MCF2: variants seen among roughly 807,000 people sequenced by gnomAD.
MCF2 encodes proto-oncogene DBL.
In MCF2, 44 loss-of-function variants were observed where a neutral mutation model predicts 82.5. That is an observed-to-expected ratio of 0.53 (90% CI 0.42 to 0.69). The LOEUF (loss-of-function observed/expected upper bound fraction) is 0.69. Among genes scored for constraint, MCF2 ranks in the 30% least tolerant of loss-of-function variants. MCF2 has a pLI of 0.00. For synonymous variants in MCF2, 217 were observed against 224.9 expected (o/e 0.96, Z 0.32); for missense variants, 623 against 663.1 (o/e 0.94, Z 0.66).
chrX:139,671,381 C>A (rs1043008562), intron 1 of MCF2, among the ~76,000 whole-genome samples: 20 of 111,438 alleles, frequency 1.8e-4, no homozygotes, highest in African/African-American at 6.2e-4. Flanking sequence ...GTCATGAAGC[C>A]CTTGCCCATG....
intron 19 of MCF2, among the ~76,000 whole-genome samples, chrX:139,591,034 C>A (rs1255286683): frequency 9.0e-6 from 1 of 110,835 alleles, no homozygotes. Context: ...GAATAGTAAT[C>A]TCATATTCAA....
At chrX:139,688,672 T>C in intron 1 of MCF2, among the ~76,000 whole-genome samples, 1 of 111,756 alleles carries the variant, frequency 8.9e-6, no homozygotes, top group South Asian at 3.8e-4. Context: ...CGTTTCTTTT[T>C]TTCATTTTTT....
Position 139,638,575 on chromosome X carries a change from G to A in MCF2, c.51+3893C>T, listed in dbSNP as rs144255924. Among the ~76,000 whole-genome samples, 1,060 of 111,682 alleles carry A rather than the reference G, an allele frequency of 9.5e-3. 14 individuals carry two copies. The highest frequency in any genetic ancestry group is 0.033 in the African/African-American group (1,013 of 30,738). On this transcript the variant is annotated intron_variant, in intron 1 of 24. Coordinates refer to ENST00000370576, the Ensembl canonical transcript of MCF2. ...AGTTCCAGCTACATGTTGTCATGTG[G>A]CAAGGTGGGCCCAGCATTGCCAACT...
chrX:139,614,253 T>C (rs1038318093), intron 10 of MCF2, among the ~76,000 whole-genome samples: 2 of 111,610 alleles, frequency 1.8e-5, no homozygotes, highest in African/African-American at 6.5e-5. Context: ...TGGATAAAAC[T>C]AGGAGATTAA....
At chrX:139,666,037 T>C (rs1430005049) in intron 1 of MCF2, among the ~76,000 whole-genome samples, 1 of 104,644 alleles carries the variant, frequency 9.6e-6, no homozygotes, top group East Asian at 3.0e-4. Context: ...AGGCATACAA[T>C]GTGAAATAAG....
chrX:139,618,580 C>A (rs1482336953), intron 7 of MCF2, among the ~76,000 whole-genome samples: 3 of 111,270 alleles, frequency 2.7e-5, no homozygotes, highest in African/African-American at 9.8e-5. Context: ...TTCTACTATA[C>A]CATAGGGCTA....
At chrX:139,691,122 A>T (rs186599079) in intron 1 of MCF2, among the ~76,000 whole-genome samples, 2 of 112,035 alleles carry the variant, frequency 1.8e-5, no homozygotes, top group East Asian at 5.7e-4. Context: ...TTTGTGAGTT[A>T]CTTGTCTTTG....
intron 20 of MCF2, 102 bp from the exon 25 acceptor site, chrX:139,588,540 T>C: frequency 2.0e-6 from 1 of 500,150 alleles, no homozygotes; most frequent in African/African-American, 2.4e-5. Flanking sequence ...AAATATGATC[T>C]ACTCCCTATA....
chrX:139,621,774 C>T (rs1932382570), intron 6 of MCF2, among the ~76,000 whole-genome samples: 1 of 111,499 alleles, frequency 9.0e-6, no homozygotes, highest in Non-Finnish European at 1.9e-5. Context: ...ACCATAAAAA[C>T]CCTAGAAGAA....
At chrX:139,621,874 C>T (rs1365596601) in intron 6 of MCF2, among the ~76,000 whole-genome samples, 3 of 110,947 alleles carry the variant, frequency 2.7e-5, no homozygotes, top group Admixed American at 9.6e-5. Context: ...CCAAAATTGA[C>T]AAATGGGATC....
In MCF2 at chrX:139,585,034, C is replaced by T. The variant is rs760497203; in HGVS notation, c.2745+32G>A. 3.9e-6 allele frequency: 4 copies of T among 1,028,647 alleles called. No homozygotes were observed. The African/African-American group carries it at 7.6e-5, about 20-fold the overall frequency. 84.8% of individuals were successfully genotyped at this position (1,028,647 alleles called of 1,213,427 possible). On this transcript the variant is annotated intron_variant, in intron 24 of 24. Transcript: ENST00000370576. ...CTATATTTCATCAGTAAAACTGCCT[C>T]AATAATTTTAATTTACTATATTATT...
chrX:139,646,317 T>C (rs981222459), upstream of MCF2, among the ~76,000 whole-genome samples: 2 of 111,607 alleles, frequency 1.8e-5, no homozygotes, highest in Admixed American at 1.9e-4. Flanking sequence ...CTAAGAAACC[T>C]TTTTAAACTT....
chrX:139,588,517 A>G (rs1045311201), intron 20 of MCF2, 79 bp from the exon 25 acceptor site: 27 of 583,428 alleles, frequency 4.6e-5, no homozygotes, highest in Non-Finnish European at 7.7e-5. Context: ...AAACAAATGT[A>G]ATTGTGTACA....
chrX:139,692,685 G>A lies in MCF2; in HGVS notation c.-45+15421C>T, dbSNP rs962529367. On this transcript the variant is annotated intron_variant, in intron 1 of 27. Coordinates refer to the MCF2 transcript ENST00000414978. The stretch of plus-strand genomic sequence containing the variant: ...GTCTTGGCGGTTTCTTAGCATTCTG[G>A]CCAGTATCCACCTGGGCAAAGACTC... Among the ~76,000 whole-genome samples, 59 of 112,104 alleles carry A rather than the reference G, an allele frequency of 5.3e-4. 1 individual carries two copies. Among genetic ancestry groups the A allele is most frequent in the African/African-American group, 1.9e-3 (59 of 30,849 alleles).
At chrX:139,597,342 A>T (rs1299319107) in intron 18 of MCF2, 118 bp downstream of exon 22, 4 of 569,114 alleles carry the variant, frequency 7.0e-6, no homozygotes, top group Non-Finnish European at 1.2e-5. Flanking sequence ...TAACATCAAC[A>T]TTTTGATCTC....
chrX:139,652,539 T>C (rs1040673454), intron 1 of MCF2, among the ~76,000 whole-genome samples: 3 of 112,162 alleles, frequency 2.7e-5, no homozygotes, highest in Non-Finnish European at 3.8e-5. Flanking sequence ...CAATGTGCTT[T>C]GATTGTCCCA....
At chrX:139,582,391 T>A (rs1267835671) in exon 25 of MCF2, 13 of 1,052,071 alleles carry the variant, frequency 1.2e-5, no homozygotes, top group Non-Finnish European at 1.7e-5. Context: ...TTGAGCTCAA[T>A]GTCTTTTGCG....
At chrX:139,685,820 G>A (rs1453762207) in intron 1 of MCF2, among the ~76,000 whole-genome samples, 1 of 110,969 alleles carries the variant, frequency 9.0e-6, no homozygotes, top group African/African-American at 3.3e-5. Flanking sequence ...TAAAACTTCA[G>A]GGCAATATTA....
intron 2 of MCF2, among the ~76,000 whole-genome samples, chrX:139,650,768 C>T (rs995610067): frequency 4.5e-5 from 5 of 111,696 alleles, no homozygotes; most frequent in East Asian, 2.8e-4. Flanking sequence ...AATAGCCAAA[C>T]GGTAGAAGCA....
Sources: allele counts gnomAD v4.1 joint callset (sites outside exome capture counted in the v4.1 genomes callset), GRCh38; gene constraint gnomAD v4.1.1; transcripts MANE v1.5; gene names NCBI Gene and HGNC (gene_info 2026-07-23, HGNC 2026-07-21).